Variants in CFAP65 observed in about 807,000 individuals in gnomAD.
The protein encoded by CFAP65 is cilia- and flagella-associated protein 65.
Under a neutral mutation model 208.0 loss-of-function variants are expected in CFAP65, and 155 were observed. The ratio of observed to expected loss-of-function variants is 0.75; its 90% confidence interval spans 0.65 to 0.85. The LOEUF (loss-of-function observed/expected upper bound fraction) is 0.85. CFAP65 is among the 40% of genes least tolerant of loss of function. CFAP65 has a pLI of 0.00. For synonymous variants in CFAP65, 970 were observed against 986.3 expected, an observed-to-expected ratio of 0.98 and a Z score of 0.31; for missense variants, 2,294 against 2,451.3, an observed-to-expected ratio of 0.94 and a Z score of 1.36.
Position 219,006,039 on chromosome 2 carries a change from G to A in CFAP65, c.4904C>T (p.Pro1635Leu). Residue 1635 changes from proline to leucine, a missense_variant, in exon 31 of 35, where the codon CCC (proline) becomes CTC (leucine). This residue lies in a region of CFAP65 where 1,427 missense variants were observed against 1,438.7 expected (regional missense o/e 0.99). Coordinates refer to ENST00000341552, the MANE Select transcript of CFAP65 (RefSeq NM_194302.4). ...YFLANFFSEF[P>L]CHFLHRELPK... ...AGCTTACCGGTGCAAAAAGTGGCAG[G>A]GAAACTCTGAGAAGAAGTTAGCCAG... 6.2e-7 allele frequency: 1 copy of A among 1,613,308 alleles called. No homozygotes were observed. The highest frequency in any genetic ancestry group is 8.5e-7 in the Non-Finnish European group (1 of 1,180,008).
rs767064603 is a variant in CFAP65 at position 219,028,364 on chromosome 2, G to A, written c.1688C>T (p.Ser563Leu). The part of the protein sequence containing the change: ...LFLDLMGTCH[S>L]DSTKPAILKP... ...CAGGATGGCTGGCTTGGTGCTGTCC[G>A]AGTGGCAGGTCCCCATCAGGTCCAG... The change falls in exon 12 of 35, where the codon TCG (serine) becomes TTG (leucine). Residue 563 changes from serine (S) to leucine (L), a missense_variant. This residue lies in a region of CFAP65 where 867 missense variants were observed against 1,012.6 expected (regional missense o/e 0.86). Coordinates refer to ENST00000341552, the MANE Select transcript of CFAP65 (RefSeq NM_194302.4). The A allele has an allele frequency of 1.5e-5, 24 of 1,613,548 alleles. No homozygotes were observed. Among genetic ancestry groups the A allele is most frequent in the African/African-American group, 4.0e-5 (3 of 74,806 alleles).
chr2:219,031,759 A>C lies in CFAP65; in HGVS notation c.646-101T>G. 1 of 1,424,376 alleles carries C rather than the reference A, an allele frequency of 7.0e-7. No homozygotes were observed. The highest frequency in any genetic ancestry group is 9.5e-7 in the Non-Finnish European group (1 of 1,054,424). The allele number at this position is 1,424,376 out of a possible 1,614,324, so 88.2% of individuals were successfully genotyped here. On this transcript the variant is annotated intron_variant, in intron 6 of 34. Transcript: ENST00000341552. The surrounding 1 kb of genome is among the most constrained non-coding windows in gnomAD (Gnocchi z 5.2). Reference sequence around the variant, plus strand: ...CACCCCCAACACAACCGCTGAGGGGAGGGCCAGGCCGTGGCACCCACGTCA... The same window carrying C: ...CACCCCCAACACAACCGCTGAGGGGCGGGCCAGGCCGTGGCACCCACGTCA...
Position 219,031,788 on chromosome 2 carries a change from T to C in CFAP65, c.646-130A>G, listed in dbSNP as rs1948060162. On this transcript the variant is annotated intron_variant, in intron 6 of 34. Coordinates refer to ENST00000341552, the MANE Select transcript of CFAP65 (RefSeq NM_194302.4). This position sits in a 1 kb window ranked among gnomAD's most constrained non-coding sequence, Gnocchi z 5.2. ...CCAGGCCGTGGCACCCACGTCAGACTCTGAGGGGAGCTGGGCACCTATGTT... is the reference window on the plus strand; with the variant it reads ...CCAGGCCGTGGCACCCACGTCAGACCCTGAGGGGAGCTGGGCACCTATGTT... 14 of 1,058,614 alleles carry C rather than the reference T, an allele frequency of 1.3e-5. No individual in the cohort carries two copies. Among genetic ancestry groups the C allele is most frequent in the Non-Finnish European group, 1.5e-5 (11 of 735,856 alleles). 65.6% of individuals were successfully genotyped at this position (1,058,614 alleles called of 1,614,324 possible). A position where few individuals can be genotyped will look rare whatever the true frequency, so the allele number is the denominator to read the frequency against.
At position 219,032,419 on chromosome 2, in the gene CFAP65, G is replaced by T; in HGVS notation, c.645+51C>A. The T allele has an allele frequency of 1.3e-6, 2 of 1,494,332 alleles. No individual in the cohort carries two copies. The highest frequency in any genetic ancestry group is 4.9e-5 in the East Asian group (2 of 40,470). 92.6% of individuals were successfully genotyped at this position (1,494,332 alleles called of 1,614,324 possible). A position where few individuals can be genotyped will look rare whatever the true frequency, so the allele number is the denominator to read the frequency against. ...GCTCTGTCCTGTTTTCTGTTCTGAG[G>T]TCACTGCTCCCAGGTACCTCCCTGC... On this transcript the variant is annotated intron_variant, in intron 6 of 34. Coordinates refer to ENST00000341552, the MANE Select transcript of CFAP65 (RefSeq NM_194302.4). This position sits in a 1 kb window ranked among gnomAD's most constrained non-coding sequence, Gnocchi z 5.5.
chr2:219,009,801 T>G (rs1229671623), intron 27 of CFAP65, 141 bp downstream of exon 27: 4 of 167,310 alleles, frequency 2.4e-5, no homozygotes, highest in African/African-American at 3.2e-4. Context: ...TAGGGTGGGA[T>G]GGGATGGAGT....
chr2:219,028,134 C>A, intron 12 of CFAP65, 67 bp downstream of exon 12: 2 of 1,582,956 alleles, frequency 1.3e-6, no homozygotes, highest in South Asian at 1.2e-5. Context: ...GCCCATGGGA[C>A]CCTGGGGGCA....
At chr2:219,026,663 T>C (rs969250366) in intron 13 of CFAP65, 4 of 340,544 alleles carry the variant, frequency 1.2e-5, no homozygotes, top group Non-Finnish European at 1.7e-5. Flanking sequence ...TACTAAGTCT[T>C]GAAATCCAGG....
intron 21 of CFAP65, among the ~76,000 whole-genome samples, chr2:219,016,014 C>T (rs567851598): frequency 5.5e-4 from 84 of 152,198 alleles, no homozygotes; most frequent in African/African-American, 2.0e-3. Flanking sequence ...TAAATATGTG[C>T]GTGTCTGTAT....
intron 17 of CFAP65, 29 bp downstream of exon 17, chr2:219,022,142 C>T (rs766243469): frequency 3.6e-5 from 56 of 1,538,740 alleles, no homozygotes; most frequent in Non-Finnish European, 4.9e-5. Flanking sequence ...TCTCCCCCAG[C>T]CCCCTCCTGC....
At chr2:219,021,042 C>T in intron 19 of CFAP65, 110 bp downstream of exon 19, 1 of 1,294,874 alleles carries the variant, frequency 7.7e-7, no homozygotes, top group South Asian at 1.8e-5. Context: ...GCACACCCCA[C>T]TCACCCTGCC....
In CFAP65 at chr2:219,032,545, C is replaced by T. The variant is rs764899396; in HGVS notation, c.570G>A (p.Thr190=). The change falls in exon 6 of 35, where the codon ACG becomes ACA. Residue 190 remains threonine (T), a synonymous_variant. Coordinates refer to ENST00000341552, the MANE Select transcript of CFAP65 (RefSeq NM_194302.4). This position sits in a 1 kb window ranked among gnomAD's most constrained non-coding sequence, Gnocchi z 5.5. ...TCAGGAAGATGGGCTGAGGGATGACCGTGAAGAAGAACTTGGTCTTGGGGG... is the reference window on the plus strand; with the variant it reads ...TCAGGAAGATGGGCTGAGGGATGACTGTGAAGAAGAACTTGGTCTTGGGGG... ...YRPPKTKFFF[T]VIPQPIFLSP... 23 of 1,605,572 alleles carry T rather than the reference C, an allele frequency of 1.4e-5. No individual in the cohort carries two copies. Among genetic ancestry groups the T allele is most frequent in the South Asian group, 3.4e-5 (3 of 89,062 alleles).
chr2:219,022,063 T>A, intron 17 of CFAP65, 108 bp downstream of exon 17: 1 of 1,514,914 alleles, frequency 6.6e-7, no homozygotes, highest in Admixed American at 2.0e-5. Flanking sequence ...GCTCCTATCC[T>A]CTGCCCTCTT....
At chr2:219,008,210 G>A (rs1946162471) in intron 29 of CFAP65, among the ~76,000 whole-genome samples, 1 of 152,146 alleles carries the variant, frequency 6.6e-6, no homozygotes, top group Non-Finnish European at 1.5e-5. Context: ...GTTGCCCATT[G>A]CCCAGCTTCA....
chr2:219,024,240 G>A lies in CFAP65; in HGVS notation c.2370C>T (p.Ser790=), dbSNP rs780171040. The A allele has an allele frequency of 1.4e-5, 23 of 1,612,930 alleles. No individual in the cohort carries two copies. Among genetic ancestry groups the A allele is most frequent in the Admixed American group, 5.0e-5 (3 of 59,992 alleles). ...GCAGGCTGCGGTAGGTGGGCTCACCGGAGGACACTGCTGGAAATAGCTGGG... is the reference window on the plus strand; with the variant it reads ...GCAGGCTGCGGTAGGTGGGCTCACCAGAGGACACTGCTGGAAATAGCTGGG... ...DVPKLFPAVS[S]GEPTYRSLLL... The change falls in exon 15 of 35, where the codon TCC becomes TCT. Residue 790 remains serine (S), a synonymous_variant. Coordinates refer to ENST00000341552, the MANE Select transcript of CFAP65 (RefSeq NM_194302.4).
At chr2:219,026,796 T>C in intron 13 of CFAP65, 2 of 986,108 alleles carry the variant, frequency 2.0e-6, no homozygotes, top group Non-Finnish European at 2.4e-6. Context: ...AACCTAAATA[T>C]CTGACAGGCT....
At chr2:219,021,397 A>C (rs1947254917) in intron 18 of CFAP65, 117 bp from the exon 19 acceptor site, 1 of 1,266,010 alleles carries the variant, frequency 7.9e-7, no homozygotes, top group African/African-American at 1.5e-5. Flanking sequence ...CTGAGGCAGG[A>C]AACAGGGAGT....
intron 13 of CFAP65, chr2:219,027,039 C>T (rs1237974486): frequency 5.0e-6 from 5 of 1,005,838 alleles, no homozygotes; most frequent in African/African-American, 1.7e-5. Context: ...CACAGCCCTA[C>T]TTTTCTCTGG....
At position 219,028,351 on chromosome 2, in the gene CFAP65, CT is replaced by C. The variant is rs764267767; in HGVS notation, c.1700del (p.Lys567SerfsTer5). The C allele has an allele frequency of 6.2e-7, 1 of 1,613,450 alleles. No individual in the cohort carries two copies. On this transcript the variant is annotated frameshift_variant, in exon 12 of 35. Coordinates refer to ENST00000341552, the MANE Select transcript of CFAP65 (RefSeq NM_194302.4). LOFTEE classifies it high-confidence loss of function. ...LMGTCHSDST[K>X]PAILKPQHLT... is the part of the protein sequence containing the mutation. ...GGTGCTGAGGCTTCAGGATGGCTGG[CT>C]TGGTGCTGTCCGAGTGGCAGGTCCC...
At position 219,029,386 on chromosome 2, in the gene CFAP65, C is replaced by T; in HGVS notation, c.1650+17G>A. On this transcript the variant is annotated intron_variant, in intron 11 of 34. Coordinates refer to ENST00000341552, the MANE Select transcript of CFAP65 (RefSeq NM_194302.4). ...GAGCCCCTCCTCCCTCAGCCTCATG[C>T]CCTCCCCACGACTCACCTGGTGGTG... The T allele has an allele frequency of 6.2e-7, 1 of 1,605,822 alleles. No individual in the cohort carries two copies.
Sources: gnomAD v4.1 joint callset for allele counts (sites outside exome capture counted in the v4.1 genomes callset) on GRCh38, gnomAD v4.1.1 for gene constraint, gnomAD v4.1.1 regional missense constraint, Gnocchi (gnomAD v3.1) non-coding constraint, MANE v1.5 for transcripts, NCBI Gene and HGNC (gene_info 2026-07-23, HGNC 2026-07-21) for gene names.